Variants in ANKRD24 observed in about 807,000 individuals in gnomAD.
ANKRD24 encodes ankyrin repeat domain 24.
A neutral mutation model predicts 127.8 loss-of-function variants in ANKRD24; 109 were observed. That is an observed-to-expected ratio of 0.85 (90% CI 0.73 to 1.00). The LOEUF (loss-of-function observed/expected upper bound fraction) is 1.00, where lower values mean the gene tolerates loss of function less well. Among genes scored for constraint, ANKRD24 ranks in the 50% least tolerant of loss-of-function variants. The pLI, the probability that ANKRD24 is intolerant of heterozygous loss-of-function variation, is 0.00. For missense variants in ANKRD24, 1,648 were observed against 1,570.2 expected (o/e 1.05, Z -0.84); for synonymous variants, 743 against 671.1 (o/e 1.11, Z -1.66).
In ANKRD24 at chr19:4,224,120, C is replaced by T. The variant is rs1397529646; in HGVS notation, c.3298-7C>T. On this transcript the variant is annotated splice_region_variant and splice_polypyrimidine_tract_variant and intron_variant, in intron 20 of 21. Transcript: ENST00000318934. Reference sequence around the variant, plus strand: ...CTCTTCTGAGCGCCCCTTCCTCATGCCCACAGGAAGCTGCCAGGGACCACT... The same window carrying T: ...CTCTTCTGAGCGCCCCTTCCTCATGTCCACAGGAAGCTGCCAGGGACCACT... 1.2e-6 allele frequency: 2 copies of T among 1,611,622 alleles called. No individual in the cohort carries two copies. The highest frequency in any genetic ancestry group is 1.7e-6 in the Non-Finnish European group (2 of 1,179,270).
intron 11 of ANKRD24, among the ~76,000 whole-genome samples, chr19:4,209,408 C>T (rs937638284): frequency 4.6e-5 from 7 of 151,220 alleles, no homozygotes; most frequent in Non-Finnish European, 7.4e-5. Context: ...GAGCGCGACC[C>T]CTCTCCTAGT....
intron 2 of ANKRD24, among the ~76,000 whole-genome samples, chr19:4,189,889 A>G (rs186055797): frequency 1.3e-5 from 2 of 152,186 alleles, no homozygotes; most frequent in Admixed American, 1.3e-4. Context: ...GCCTTCCCCC[A>G]GGGCTGCGTT....
chr19:4,188,302 C>T (rs1335938101), intron 2 of ANKRD24, among the ~76,000 whole-genome samples: 1 of 151,732 alleles, frequency 6.6e-6, no homozygotes, highest in Non-Finnish European at 1.5e-5. Flanking sequence ...GTCTTGAACT[C>T]CTGACCTCAG....
chr19:4,189,243 C>CTTTTTTTTTTTTTTTTTTTTT (rs398033749), intron 2 of ANKRD24, among the ~76,000 whole-genome samples: 1 of 73,952 alleles, frequency 1.4e-5, no homozygotes, highest in Admixed American at 1.8e-4. Flanking sequence ...TTTCTTTCTT[C>CTTTTTTTTTTTTTTTTTTTTT]TTTTTTTTTT....
chr19:4,221,844 G>A (rs1389701469), intron 19 of ANKRD24, among the ~76,000 whole-genome samples: 1 of 152,098 alleles, frequency 6.6e-6, no homozygotes, highest in Admixed American at 6.6e-5. Context: ...CTGGGCTGGG[G>A]CCATCTGGGC....
intron 1 of ANKRD24, among the ~76,000 whole-genome samples, chr19:4,185,110 G>A (rs1182844591): frequency 6.9e-6 from 1 of 145,644 alleles, no homozygotes; most frequent in African/African-American, 2.5e-5. Flanking sequence ...GTGGATGGAT[G>A]GATGCTTGGG....
intron 9 of ANKRD24, 72 bp from the exon 10 acceptor site, chr19:4,207,709 G>T: frequency 1.3e-6 from 2 of 1,589,896 alleles, no homozygotes; most frequent in Non-Finnish European, 8.6e-7. Context: ...TCCCAGCCTG[G>T]CCTGGGTGCT....
chr19:4,220,774 C>T (rs1219918700), intron 19 of ANKRD24, among the ~76,000 whole-genome samples: 5 of 152,052 alleles, frequency 3.3e-5, no homozygotes, highest in African/African-American at 1.2e-4. Context: ...CTGGGATGGT[C>T]TCAATCTCCT....
At position 4,193,845 on chromosome 19, in the gene ANKRD24, G is replaced by GAGGGAGGGAAGGAAGGAAGGAAGGA. The variant is rs573649233; in HGVS notation, c.37-5835_37-5834insGAGGGAAGGAAGGAAGGAAGGAAGG. Among the ~76,000 whole-genome samples, 132 of 40,602 alleles carry GAGGGAGGGAAGGAAGGAAGGAAGGA rather than the reference G, an allele frequency of 3.3e-3. 29 individuals carry two copies. Among genetic ancestry groups the GAGGGAGGGAAGGAAGGAAGGAAGGA allele is most frequent in the African/African-American group, 0.016 (121 of 7,782 alleles). The allele number at this position is 40,602 out of a possible 152,430, so 26.6% of individuals were successfully genotyped here. On this transcript the variant is annotated intron_variant, in intron 2 of 21. Coordinates refer to ENST00000318934, the MANE Select transcript of ANKRD24 (RefSeq NM_001393985.1). Reference sequence around the variant, plus strand: ...GAGCGAGACTCCGTCGGGAGGGAGGGAGGAAGGAAGGAAGGAAGGAAGGAA... The same window carrying GAGGGAGGGAAGGAAGGAAGGAAGGA: ...GAGCGAGACTCCGTCGGGAGGGAGGGAGGGAGGGAAGGAAGGAAGGAAGGAAGGAAGGAAGGAAGGAAGGAAGGAA...
rs1305361940 is a variant in ANKRD24 at position 4,216,442 on chromosome 19, G to A, written c.1389+40G>A. On this transcript the variant is annotated intron_variant, in intron 17 of 21. Coordinates refer to ENST00000318934, the MANE Select transcript of ANKRD24 (RefSeq NM_001393985.1). ...GCTGGGGACAGATCTGAGGACCTAG[G>A]GCTGGTTCCCTGAGGTCAGGGTGGG... 16 of 1,556,872 alleles carry A rather than the reference G, an allele frequency of 1.0e-5. No homozygotes were observed. In the East Asian group the frequency reaches 3.6e-4, roughly 35 times the overall value.
rs1038491354 is a variant in ANKRD24, at chr19:4,216,835, G to A, written c.1675G>A (p.Ala559Thr). The A allele has an allele frequency of 2.5e-6, 4 of 1,610,154 alleles. No individual in the cohort carries two copies. The highest frequency in any genetic ancestry group is 3.4e-6 in the Non-Finnish European group (4 of 1,178,402). Residue 559 changes from alanine to threonine, a missense_variant, in exon 18 of 22, where the codon GCC becomes ACC. Physicochemically the swap from Ala to Thr is moderately conservative, Grantham distance 58. Coordinates refer to ENST00000318934, the MANE Select transcript of ANKRD24 (RefSeq NM_001393985.1). ...GGCTCCAGAAACCAAAGTTAACGGA[G>A]CCGAGACCATAGATGAGGAGGCTGC... is the stretch of plus-strand genomic sequence containing the variant. The part of the protein sequence containing the change: ...SVAPETKVNG[A>T]ETIDEEAAGD...
rs1970175447 is a variant in ANKRD24 at position 4,217,496 on chromosome 19, G to T, written c.2336G>T (p.Gly779Val). ...REAEGSGASG[G>V]GGGDTTQLRA... The stretch of plus-strand genomic sequence containing the variant: ...GCCGAGGGCAGCGGGGCCAGCGGGG[G>T]CGGTGGCGGTGACACCACACAGCTG... The change falls in exon 18 of 22, where the codon GGC (glycine) becomes GTC (valine). Residue 779 changes from glycine (G) to valine (V), a missense_variant. By Grantham distance (109) the Gly-to-Val change is moderately radical. Transcript: ENST00000318934. 2.8e-6 allele frequency: 4 copies of T among 1,407,582 alleles called. No homozygotes were observed. The highest frequency in any genetic ancestry group is 2.8e-6 in the Non-Finnish European group (3 of 1,086,824). The allele number at this position is 1,407,582 out of a possible 1,614,324, so 87.2% of individuals were successfully genotyped here.
At chr19:4,205,013 G>A (rs915056064) in intron 7 of ANKRD24, among the ~76,000 whole-genome samples, 6 of 152,026 alleles carry the variant, frequency 3.9e-5, no homozygotes, top group African/African-American at 1.5e-4. Context: ...TGAGGCGGGC[G>A]GATCATGAGG....
intron 20 of ANKRD24, among the ~76,000 whole-genome samples, chr19:4,223,493 C>T (rs190533074): frequency 0.011 from 1,640 of 149,830 alleles, 29 homozygotes; most frequent in African/African-American, 0.038. Flanking sequence ...CTCTGCCTCC[C>T]GGCTCCCGGG....
intron 19 of ANKRD24, among the ~76,000 whole-genome samples, chr19:4,221,534 A>G (rs539385010): frequency 1.2e-4 from 18 of 152,120 alleles, no homozygotes; most frequent in Non-Finnish European, 2.5e-4. Context: ...CTGGTTTCAG[A>G]AAGTATTTTT....
chr19:4,187,816 G>A (rs1208766548), intron 2 of ANKRD24, among the ~76,000 whole-genome samples: 1 of 152,234 alleles, frequency 6.6e-6, no homozygotes, highest in Non-Finnish European at 1.5e-5. Context: ...TCTGCCTGGA[G>A]GAGGTGGCAC....
In ANKRD24 at chr19:4,195,436, C is replaced by G. The variant is rs1034251305; in HGVS notation, c.37-4247C>G. 6.6e-6 allele frequency among the ~76,000 whole-genome samples: 1 copy of G among 152,088 alleles called. No individual in the cohort carries two copies. The highest frequency in any genetic ancestry group is 1.5e-5 in the Non-Finnish European group (1 of 68,008). On this transcript the variant is annotated intron_variant, in intron 2 of 21. Transcript: ENST00000318934. This position sits in a 1 kb window ranked among gnomAD's most constrained non-coding sequence, Gnocchi z 4.2. ...TGTAGGAGACAGTTGGAAACTGAAG[C>G]CCTGAGCTGGGAGATCCGTTTCGGT...
rs765698261 is a variant in ANKRD24, at chr19:4,217,274, C to T, written c.2114C>T (p.Ser705Phe). Residue 705 changes from serine to phenylalanine, a missense_variant, in exon 18 of 22, where the codon TCT becomes TTT. Transcript: ENST00000318934. Reference sequence around the variant, plus strand: ...GTAGAGGCCACGGTCCCGGGGATCTCTGCTGGCCCCATCCTACATCCTGGT... The same window carrying T: ...GTAGAGGCCACGGTCCCGGGGATCTTTGCTGGCCCCATCCTACATCCTGGT... ...PGVEATVPGI[S>F]AGPILHPGAA... 5 of 1,562,348 alleles carry T rather than the reference C, an allele frequency of 3.2e-6. No homozygotes were observed. Among genetic ancestry groups the T allele is most frequent in the Middle Eastern group, 1.7e-4 (1 of 5,990 alleles).
At position 4,216,972 on chromosome 19, in the gene ANKRD24, T is replaced by C; in HGVS notation, c.1812T>C (p.Ala604=). 6.2e-7 allele frequency: 1 copy of C among 1,612,376 alleles called. No individual in the cohort carries two copies. Among genetic ancestry groups the C allele is most frequent in the Non-Finnish European group, 8.5e-7 (1 of 1,179,426 alleles). Residue 604 remains alanine (A), a synonymous_variant, in exon 18 of 22, where the codon GCT becomes GCC. Transcript: ENST00000318934. ...TCACAGAAACAAAACCCACAGGGGC[T>C]GAGGTCAGAGAAATGGAGACCACAG... ...AKVTETKPTG[A]EVREMETTEE...
Sources: gnomAD v4.1 joint callset for allele counts (sites outside exome capture counted in the v4.1 genomes callset) on GRCh38, gnomAD v4.1.1 for gene constraint, Gnocchi (gnomAD v3.1) non-coding constraint, MANE v1.5 for transcripts, NCBI Gene and HGNC (gene_info 2026-07-23, HGNC 2026-07-21) for gene names.